Variants in MBD5 observed in about 807,000 individuals in gnomAD.
MBD5 encodes the protein methyl-CpG binding domain protein 5.
MBD5 carries 13 observed loss-of-function variants against 117.3 expected under a neutral mutation model. That is an observed-to-expected ratio of 0.11 (90% CI 0.07 to 0.18). MBD5 has a LOEUF of 0.18. Among genes scored for constraint, MBD5 ranks in the 10% least tolerant of loss-of-function variants. MBD5 has a pLI of 1.00. For synonymous variants in MBD5, 727 were observed against 766.4 expected, an observed-to-expected ratio of 0.95 and a Z score of 0.85; for missense variants, 1,879 against 2,093.8, an observed-to-expected ratio of 0.90 and a Z score of 2.00.
intron 1 of MBD5, among the ~76,000 whole-genome samples, chr2:148,100,668 TC>T (rs1453326415): frequency 6.6e-6 from 1 of 152,200 alleles, no homozygotes; most frequent in Non-Finnish European, 1.5e-5. Context: ...TGCCATATGT[TC>T]TCTCCTCATA....
intron 2 of MBD5, among the ~76,000 whole-genome samples, chr2:148,214,801 T>A (rs1179062204): frequency 1.3e-5 from 2 of 152,204 alleles, no homozygotes; most frequent in South Asian, 2.1e-4. Flanking sequence ...AAAACCAGGC[T>A]ATATTCCTGG....
intron 3 of MBD5, among the ~76,000 whole-genome samples, chr2:148,305,516 A>G (rs1352699425): frequency 6.6e-6 from 1 of 152,220 alleles, no homozygotes; most frequent in Non-Finnish European, 1.5e-5. Flanking sequence ...AAGCATCTTT[A>G]AATGGTCGAC....
chr2:148,471,649 T>G (rs540433607), intron 8 of MBD5: 1 of 152,194 alleles, frequency 6.6e-6, no homozygotes, highest in African/African-American at 2.4e-5. Flanking sequence ...CTTCACATCT[T>G]GTGTTATGTG....
At chr2:148,465,066 A>G (rs1221478207) in intron 7 of MBD5, among the ~76,000 whole-genome samples, 1 of 152,132 alleles carries the variant, frequency 6.6e-6, no homozygotes, top group Admixed American at 6.6e-5. Flanking sequence ...TATATCAATT[A>G]AGTCTTTTTC....
At chr2:148,377,863 T>C (rs1157319436) in intron 4 of MBD5, among the ~76,000 whole-genome samples, 1 of 152,198 alleles carries the variant, frequency 6.6e-6, no homozygotes, top group Non-Finnish European at 1.5e-5. Context: ...AGTTCATACT[T>C]TGAATTTGAA....
At position 148,178,800 on chromosome 2, in the gene MBD5, A is replaced by C; in HGVS notation, c.-831+7A>C. The C allele has an allele frequency of 2.5e-6, 1 of 398,400 alleles. No homozygotes were observed. The highest frequency in any genetic ancestry group is 3.6e-5 in the East Asian group (1 of 27,906). 24.7% of individuals were successfully genotyped at this position (398,400 alleles called of 1,614,324 possible). A position where few individuals can be genotyped will look rare whatever the true frequency, so the allele number is the denominator to read the frequency against. On this transcript the variant is annotated splice_region_variant and intron_variant, in intron 2 of 13. Transcript: ENST00000642680. ...TAGAAGATAAGCACTAAAGGTAAGT[A>C]GTAACTATAGCCCCATATATAATTT...
chr2:148,228,026 T>G (rs1212204427), intron 2 of MBD5, among the ~76,000 whole-genome samples: 2 of 152,212 alleles, frequency 1.3e-5, no homozygotes, highest in Non-Finnish European at 2.9e-5. Flanking sequence ...ACAATGTGGT[T>G]TTCTAGATAT....
rs10191591 is a variant in MBD5, at chr2:148,302,771, C to T, written c.-679-39443C>T. Among the ~76,000 whole-genome samples the T allele has an allele frequency of 9.1e-3, 1,379 of 151,644 alleles. 23 individuals carry two copies. The highest frequency in any genetic ancestry group is 0.032 in the African/African-American group (1,313 of 41,412). On this transcript the variant is annotated intron_variant, in intron 3 of 13. Transcript: ENST00000642680. ...TCAGCCTTCCGAGTAGCTGGCACTA[C>T]AATGTACACCACCCTACCTGGCTAA...
intron 1 of MBD5, among the ~76,000 whole-genome samples, chr2:148,129,546 T>TA (rs1363957269): frequency 2.6e-5 from 4 of 152,104 alleles, no homozygotes; most frequent in Non-Finnish European, 5.9e-5. Flanking sequence ...ACTCTATCTC[T>TA]AAAAAGATAG....
At chr2:148,320,714 A>G (rs1175500603) in intron 3 of MBD5, among the ~76,000 whole-genome samples, 1 of 152,104 alleles carries the variant, frequency 6.6e-6, no homozygotes, top group Non-Finnish European at 1.5e-5. Context: ...TAATCTGTTC[A>G]AGGGCTCTAT....
At chr2:148,460,932 C>T (rs1041787872) in intron 5 of MBD5, among the ~76,000 whole-genome samples, 2 of 152,060 alleles carry the variant, frequency 1.3e-5, no homozygotes, top group Non-Finnish European at 2.9e-5. Context: ...AGACATTATA[C>T]TTTTTTTCTT....
At chr2:148,050,764 C>T (rs1261107380) in intron 1 of MBD5, among the ~76,000 whole-genome samples, 4 of 152,100 alleles carry the variant, frequency 2.6e-5, no homozygotes, top group Admixed American at 6.6e-5. Context: ...TTGGTCTGTA[C>T]GTCTCTCCTT....
chr2:148,463,514 G>T (rs1252980888), intron 6 of MBD5, among the ~76,000 whole-genome samples: 2 of 151,950 alleles, frequency 1.3e-5, no homozygotes, highest in African/African-American at 2.4e-5. Flanking sequence ...ATTTATCTTG[G>T]CTGTCTTAGA....
intron 11 of MBD5, among the ~76,000 whole-genome samples, chr2:148,491,626 A>C (rs1470248869): frequency 6.6e-6 from 1 of 152,030 alleles, no homozygotes; most frequent in Non-Finnish European, 1.5e-5. Flanking sequence ...TCTCCAAATG[A>C]CTAGGAGGTC....
At chr2:148,209,352 G>A (rs28477138) in intron 2 of MBD5, among the ~76,000 whole-genome samples, 17,310 of 151,872 alleles carry the variant, frequency 0.11, 1,203 homozygotes, top group Admixed American at 0.16. Flanking sequence ...CCTCATGATG[G>A]GATTAGTGCC....
At chr2:148,197,880 C>T (rs1699038028) in intron 2 of MBD5, among the ~76,000 whole-genome samples, 1 of 129,196 alleles carries the variant, frequency 7.7e-6, no homozygotes, top group African/African-American at 2.9e-5. Flanking sequence ...ATGGTATGAT[C>T]TCGCCTAACT....
chr2:148,279,895 C>T (rs549072178), intron 3 of MBD5, among the ~76,000 whole-genome samples: 47 of 152,164 alleles, frequency 3.1e-4, no homozygotes, highest in Non-Finnish European at 5.4e-4. Context: ...GTGATCCTCC[C>T]GCCTCAACCT....
chr2:148,307,181 A>T (rs756864900), intron 3 of MBD5, among the ~76,000 whole-genome samples: 3 of 152,170 alleles, frequency 2.0e-5, no homozygotes, highest in Admixed American at 6.5e-5. Flanking sequence ...AGAAATTTAC[A>T]TAATTGTAAA....
chr2:148,314,664 C>T (rs1702116489), intron 3 of MBD5, among the ~76,000 whole-genome samples: 1 of 152,082 alleles, frequency 6.6e-6, no homozygotes. Context: ...AGACGAGATC[C>T]AGCGCATTCA....
Sources: allele counts gnomAD v4.1 joint callset (sites outside exome capture counted in the v4.1 genomes callset), GRCh38; gene constraint gnomAD v4.1.1; transcripts MANE v1.5; gene names NCBI Gene and HGNC (gene_info 2026-07-23, HGNC 2026-07-21).